SLC39A14: variants seen among roughly 807,000 people sequenced by gnomAD.
SLC39A14 encodes the protein metal cation symporter ZIP14.
In SLC39A14, 19 loss-of-function variants were observed where a neutral mutation model predicts 45.5. That is an observed-to-expected ratio of 0.42 (90% CI 0.29 to 0.61). SLC39A14 has a LOEUF of 0.61. Ranked by LOEUF, SLC39A14 falls within the 20% of genes least tolerant of loss-of-function variation. The pLI is 0.22. For missense variants in SLC39A14, 447 were observed against 616.5 expected (o/e 0.73, Z 2.91); for synonymous variants, 264 against 251.3 (o/e 1.05, Z -0.48).
At chr8:22,398,665 A>G in intron 1 of SLC39A14, 12 of 957,326 alleles carry the variant, frequency 1.3e-5, no homozygotes, top group Non-Finnish European at 1.5e-5. Flanking sequence ...ACAGAAGTGA[A>G]TGTTTGCTCC....
Position 22,412,203 on chromosome 8 carries a change from G to C in SLC39A14, c.624G>C (p.Pro208=). The C allele has an allele frequency of 6.4e-7, 1 of 1,551,582 alleles. No homozygotes were observed. Among genetic ancestry groups the C allele is most frequent in the Non-Finnish European group, 8.7e-7 (1 of 1,146,938 alleles). ...LYSNALFQLI[P]EAFGFNPLED... Reference sequence around the variant, plus strand: ...CCAACGCCCTCTTCCAGCTCATCCCGGAGGTATGGCAAGCCAGGGCCTTCA... The same window carrying C: ...CCAACGCCCTCTTCCAGCTCATCCCCGAGGTATGGCAAGCCAGGGCCTTCA... Residue 208 remains proline (P), a synonymous_variant, in exon 4 of 9, where the codon CCG becomes CCC. Coordinates refer to ENST00000381237, the MANE Select transcript of SLC39A14 (RefSeq NM_001128431.4).
At chr8:22,386,391 C>T (rs1462157456) in intron 1 of SLC39A14, among the ~76,000 whole-genome samples, 2 of 151,920 alleles carry the variant, frequency 1.3e-5, no homozygotes, top group African/African-American at 4.8e-5. Flanking sequence ...CTCAGCCTCC[C>T]GAGTAGCTGT....
At chr8:22,403,301 A>T (rs1834995737) in intron 1 of SLC39A14, among the ~76,000 whole-genome samples, 1 of 125,348 alleles carries the variant, frequency 8.0e-6, no homozygotes, top group Non-Finnish European at 1.7e-5. Flanking sequence ...TTATTTTGAG[A>T]CGGAGTCTTG....
At chr8:22,395,467 C>A (rs2132259964) in intron 1 of SLC39A14, among the ~76,000 whole-genome samples, 1 of 152,264 alleles carries the variant, frequency 6.6e-6, no homozygotes, top group East Asian at 1.9e-4. Context: ...TTTTTGAACA[C>A]CAAGCATATA....
At chr8:22,398,751 G>T (rs1367105705) in intron 1 of SLC39A14, 1 of 985,310 alleles carries the variant, frequency 1.0e-6, no homozygotes, top group Non-Finnish European at 1.2e-6. Flanking sequence ...CAGGACAGAA[G>T]TGCCGCTTCT....
chr8:22,407,793 C>T (rs1055169920), intron 2 of SLC39A14, among the ~76,000 whole-genome samples: 1 of 151,756 alleles, frequency 6.6e-6, no homozygotes, highest in African/African-American at 2.4e-5. Flanking sequence ...TCACTGTAGC[C>T]TCCAACTCCT....
At position 22,410,886 on chromosome 8, in the gene SLC39A14, G is replaced by A. The variant is rs190273239; in HGVS notation, c.458-1151G>A. On this transcript the variant is annotated intron_variant, in intron 3 of 8. Coordinates refer to ENST00000381237, the MANE Select transcript of SLC39A14 (RefSeq NM_001128431.4). Reference sequence around the variant, plus strand: ...CTGTGGAGGGTGAGGATACGCAGACGTGTGGTTGACCCCATTAGGGAGTCA... The same window carrying A: ...CTGTGGAGGGTGAGGATACGCAGACATGTGGTTGACCCCATTAGGGAGTCA... 3.7e-3 allele frequency among the ~76,000 whole-genome samples: 566 copies of A among 152,300 alleles called. 4 individuals carry two copies. Among genetic ancestry groups the A allele is most frequent in the Non-Finnish European group, 5.4e-3 (364 of 68,028 alleles).
At chr8:22,417,290 AT>A in intron 7 of SLC39A14, among the ~76,000 whole-genome samples, 1 of 152,320 alleles carries the variant, frequency 6.6e-6, no homozygotes, top group Middle Eastern at 3.4e-3. Context: ...CTGGTCATCT[AT>A]TTTTAAAATC....
intron 2 of SLC39A14, among the ~76,000 whole-genome samples, chr8:22,406,383 A>G (rs1835209483): frequency 8.1e-6 from 1 of 123,332 alleles, no homozygotes; most frequent in African/African-American, 4.0e-5. Context: ...CAGGAGGTGG[A>G]GGCCTCAAAA....
chr8:22,432,227 G>C (rs1015891863), intron 8 of SLC39A14, among the ~76,000 whole-genome samples: 12 of 152,234 alleles, frequency 7.9e-5, no homozygotes, highest in Admixed American at 2.6e-4. Context: ...AGCTACTTGG[G>C]AGGCTGAGGT....
At chr8:22,386,589 G>C (rs532908349) in intron 1 of SLC39A14, among the ~76,000 whole-genome samples, 2 of 152,308 alleles carry the variant, frequency 1.3e-5, no homozygotes, top group East Asian at 3.9e-4. Flanking sequence ...TCATTAAGCT[G>C]TGAACTTAAG....
chr8:22,392,555 A>G (rs1834139050), intron 1 of SLC39A14, among the ~76,000 whole-genome samples: 1 of 152,182 alleles, frequency 6.6e-6, no homozygotes, highest in Admixed American at 6.5e-5. Flanking sequence ...GGTCTGACAA[A>G]TGGGAGTGAA....
rs1489936031 is a variant in SLC39A14 at position 22,414,655 on chromosome 8, G to A, written c.628-125G>A. 8.0e-6 allele frequency: 8 copies of A among 994,252 alleles called. No homozygotes were observed. In the East Asian group the frequency reaches 2.1e-4, roughly 26 times the overall value. 61.6% of individuals were successfully genotyped at this position (994,252 alleles called of 1,614,324 possible). The stretch of plus-strand genomic sequence containing the variant: ...TTTGCTGGAAAGAGGATGGGTAGAC[G>A]GCAGAGTTACTCCATTATGCCTCTC... On this transcript the variant is annotated intron_variant, in intron 4 of 8. Coordinates refer to ENST00000381237, the MANE Select transcript of SLC39A14 (RefSeq NM_001128431.4).
intron 1 of SLC39A14, among the ~76,000 whole-genome samples, chr8:22,375,512 G>T (rs545814702): frequency 8.0e-5 from 12 of 150,862 alleles, no homozygotes; most frequent in Non-Finnish European, 1.6e-4. Context: ...TTGAGACGGA[G>T]TCTCACTCTG....
In SLC39A14 at chr8:22,404,595, G is replaced by A. The variant is rs534134973; in HGVS notation, c.-15-101G>A. 72 of 1,106,934 alleles carry A rather than the reference G, an allele frequency of 6.5e-5. No individual in the cohort carries two copies. In the African/African-American group the frequency reaches 1.0e-3, roughly 16 times the overall value. The allele number at this position is 1,106,934 out of a possible 1,614,324, so 68.6% of individuals were successfully genotyped here. A position where few individuals can be genotyped will look rare whatever the true frequency, so the allele number is the denominator to read the frequency against. Reference sequence around the variant, plus strand: ...AAGAAGGAGCAGAGAAGCAGAGACTGAGGGATAGTCTCAACATGTTCAGTG... The same window carrying A: ...AAGAAGGAGCAGAGAAGCAGAGACTAAGGGATAGTCTCAACATGTTCAGTG... On this transcript the variant is annotated intron_variant, in intron 1 of 8. Coordinates refer to ENST00000381237, the MANE Select transcript of SLC39A14 (RefSeq NM_001128431.4).
At chr8:22,403,016 G>A (rs1227662550) in intron 1 of SLC39A14, among the ~76,000 whole-genome samples, 1 of 151,940 alleles carries the variant, frequency 6.6e-6, no homozygotes, top group African/African-American at 2.4e-5. Flanking sequence ...TCGCTCTGCC[G>A]CCCAGGCTGG....
rs569972012 is a variant in SLC39A14, at chr8:22,372,701, C to G, written c.-16+5293C>G. 2.6e-5 allele frequency among the ~76,000 whole-genome samples: 4 copies of G among 152,252 alleles called. No homozygotes were observed. In the East Asian group the frequency reaches 5.8e-4, roughly 22 times the overall value. ...ATTTTTCCATTTGCAACAAATCTTT[C>G]TAGATGAGTAATTCTCAAACTTTTT... On this transcript the variant is annotated intron_variant, in intron 1 of 8. Coordinates refer to ENST00000381237, the MANE Select transcript of SLC39A14 (RefSeq NM_001128431.4).
chr8:22,425,027 T>TTA (rs1836359648), downstream of SLC39A14, among the ~76,000 whole-genome samples: 3 of 38,926 alleles, frequency 7.7e-5, no homozygotes, highest in Admixed American at 3.5e-4. Flanking sequence ...AGACTCCGTC[T>TTA]CAAAAAAAAA....
intron 3 of SLC39A14, chr8:22,411,791 T>G (rs1835584709): frequency 2.2e-6 from 1 of 457,764 alleles, no homozygotes; most frequent in Non-Finnish European, 3.9e-6. Flanking sequence ...GAATTCCTCT[T>G]TCTTCTGAAC....
Sources: gnomAD v4.1 joint callset for allele counts (sites outside exome capture counted in the v4.1 genomes callset) on GRCh38, gnomAD v4.1.1 for gene constraint, MANE v1.5 for transcripts, NCBI Gene and HGNC (gene_info 2026-07-23, HGNC 2026-07-21) for gene names.